The following ABCG1 variants were observed in gnomAD, a reference collection of about 807,000 sequenced individuals.
ABCG1 encodes the protein ATP binding cassette subfamily G member 1, also known as ATP-binding cassette sub-family G member 1.
In ABCG1, 29 loss-of-function variants were observed where a neutral mutation model predicts 69.2. The ratio of observed to expected loss-of-function variants is 0.42; its 90% CI spans 0.31 to 0.57. ABCG1 has a LOEUF of 0.57. ABCG1 is among the 20% of genes least tolerant of loss of function. ABCG1 has a pLI of 0.15. For synonymous variants in ABCG1, 370 were observed against 374.8 expected, an observed-to-expected ratio of 0.99 and a Z score of 0.15; for missense variants, 718 against 898.1, an observed-to-expected ratio of 0.80 and a Z score of 2.56.
chr21:42,242,791 G>A (rs1453426150), intron 2 of ABCG1, among the ~76,000 whole-genome samples: 1 of 152,130 alleles, frequency 6.6e-6, no homozygotes, highest in East Asian at 1.9e-4. Flanking sequence ...TGGTTTTTGT[G>A]ACTTCAGAGG....
At chr21:42,289,313 T>C (rs192685154) in intron 10 of ABCG1, among the ~76,000 whole-genome samples, 1 of 152,274 alleles carries the variant, frequency 6.6e-6, no homozygotes, top group Admixed American at 6.5e-5. Context: ...TTCTTCACCA[T>C]GTCAAAGGAA....
At chr21:42,225,574 A>C in intron 1 of ABCG1, 97 bp from the exon 2 acceptor site, 4 of 1,468,486 alleles carry the variant, frequency 2.7e-6, no homozygotes, top group Non-Finnish European at 3.7e-6. Flanking sequence ...TGTTGCTATT[A>C]ATAACCAATG....
chr21:42,219,693 G>A lies in ABCG1; in HGVS notation c.42+389G>A, dbSNP rs1378466350. On this transcript the variant is annotated intron_variant, in intron 1 of 14. Coordinates refer to ENST00000398449, the MANE Select transcript of ABCG1 (RefSeq NM_016818.3). This position sits in a 1 kb window ranked among gnomAD's most constrained non-coding sequence, Gnocchi z 5.3. ...CGCAGCTTGGGCCGGAGGGAAGAGGGGACTTGAAGAAGGGGAGCCCCGCGC... is the reference window on the plus strand; with the variant it reads ...CGCAGCTTGGGCCGGAGGGAAGAGGAGACTTGAAGAAGGGGAGCCCCGCGC... 5 of 808,760 alleles carry A rather than the reference G, an allele frequency of 6.2e-6. No homozygotes were observed. The highest frequency in any genetic ancestry group is 9.2e-6 in the Non-Finnish European group (5 of 543,458). The allele number at this position is 808,760 out of a possible 1,614,324, so 50.1% of individuals were successfully genotyped here. A position where few individuals can be genotyped will look rare whatever the true frequency, so the allele number is the denominator to read the frequency against.
At chr21:42,281,719 C>T (rs548195283) in intron 5 of ABCG1, among the ~76,000 whole-genome samples, 3 of 152,158 alleles carry the variant, frequency 2.0e-5, no homozygotes, top group Non-Finnish European at 4.4e-5. Context: ...GTGTTCCTGC[C>T]CTTAATGCCT....
rs2146344501 is a variant in ABCG1, at chr21:42,291,385, T to C, written c.1495-113T>C. 6.9e-7 allele frequency: 1 copy of C among 1,453,860 alleles called. No individual in the cohort carries two copies. Among genetic ancestry groups the C allele is most frequent in the Non-Finnish European group, 9.4e-7 (1 of 1,067,894 alleles). 90.1% of individuals were successfully genotyped at this position (1,453,860 alleles called of 1,614,324 possible). ...TGTGGGGAGTGGGGAAGGACCCGAC[T>C]TTGGGAGCTCTGGCGGGAGCTGCGG... On this transcript the variant is annotated intron_variant, in intron 12 of 14. Transcript: ENST00000398449. The surrounding 1 kb of genome is among the most constrained non-coding windows in gnomAD (Gnocchi z 6.4).
At chr21:42,283,367 C>G (rs2068848954) in intron 6 of ABCG1, among the ~76,000 whole-genome samples, 1 of 152,214 alleles carries the variant, frequency 6.6e-6, no homozygotes, top group Non-Finnish European at 1.5e-5. Flanking sequence ...CTCCGGGGGA[C>G]TGCCCAACAC....
At chr21:42,272,138 A>G (rs543407910) in intron 3 of ABCG1, among the ~76,000 whole-genome samples, 1 of 152,368 alleles carries the variant, frequency 6.6e-6, no homozygotes, top group Non-Finnish European at 1.5e-5. Context: ...GAGCTTCTGA[A>G]TTACACCTTA....
chr21:42,288,372 C>A lies in ABCG1; in HGVS notation c.1224+60C>A. On this transcript the variant is annotated intron_variant, in intron 10 of 14. Transcript: ENST00000398449. The surrounding 1 kb of genome is among the most constrained non-coding windows in gnomAD (Gnocchi z 4.8). ...AACCCGTGGGTCATTTTCTCAGACT[C>A]GTCCTGACGGAATGTGTTCGTTCAT... 7.9e-7 allele frequency: 1 copy of A among 1,258,226 alleles called. No homozygotes were observed. Among genetic ancestry groups the A allele is most frequent in the Non-Finnish European group, 1.2e-6 (1 of 866,334 alleles). The allele number at this position is 1,258,226 out of a possible 1,614,324, so 77.9% of individuals were successfully genotyped here.
chr21:42,232,276 G>T (rs1165347193), intron 2 of ABCG1, among the ~76,000 whole-genome samples: 2 of 152,224 alleles, frequency 1.3e-5, no homozygotes, highest in African/African-American at 2.4e-5. Flanking sequence ...TATCCAAGGG[G>T]TCTAGATGCT....
chr21:42,259,402 T>C (rs963372904), intron 2 of ABCG1: 15 of 1,550,072 alleles, frequency 9.7e-6, no homozygotes, highest in African/African-American at 1.4e-5. Flanking sequence ...TCCTGCAAAA[T>C]CGAAAATGTC....
intron 2 of ABCG1, among the ~76,000 whole-genome samples, chr21:42,211,050 C>T (rs1465507304): frequency 1.3e-5 from 2 of 151,478 alleles, no homozygotes; most frequent in Non-Finnish European, 2.9e-5. Flanking sequence ...ACCTCCTCCT[C>T]CCAGGTTCAT....
At position 42,236,426 on chromosome 21, in the gene ABCG1, G is replaced by A. The variant is rs752346812; in HGVS notation, c.286+10512G>A. 1.5e-4 allele frequency among the ~76,000 whole-genome samples: 23 copies of A among 152,356 alleles called. No homozygotes were observed. The Middle Eastern group carries it at 0.02, about 135-fold the overall frequency. ...GGCCTGGGGCCACCTCAGTGGAGTCGGAGGTGCCACGCTTTGCTGTCTCTG... is the reference window on the plus strand; with the variant it reads ...GGCCTGGGGCCACCTCAGTGGAGTCAGAGGTGCCACGCTTTGCTGTCTCTG... On this transcript the variant is annotated intron_variant, in intron 2 of 14. Coordinates refer to ENST00000398449, the MANE Select transcript of ABCG1 (RefSeq NM_016818.3).
In ABCG1 at chr21:42,287,767, C is replaced by T. The variant is rs975228619; in HGVS notation, c.974-122C>T. 1.4e-5 allele frequency: 14 copies of T among 1,030,708 alleles called. No individual in the cohort carries two copies. The African/African-American group carries it at 1.6e-4, about 12-fold the overall frequency. The allele number at this position is 1,030,708 out of a possible 1,614,324, so 63.8% of individuals were successfully genotyped here. A position where few individuals can be genotyped will look rare whatever the true frequency, so the allele number is the denominator to read the frequency against. On this transcript the variant is annotated intron_variant, in intron 8 of 14. Transcript: ENST00000398449. The surrounding 1 kb of genome is among the most constrained non-coding windows in gnomAD (Gnocchi z 6.2). ...TGATTTTGACGTCATGCCATTAGCA[C>T]CGCCACGCAGCATCTATGTAATCGC...
chr21:42,283,210 TG>T (rs2068845685), intron 6 of ABCG1, among the ~76,000 whole-genome samples: 1 of 152,202 alleles, frequency 6.6e-6, no homozygotes, highest in African/African-American at 2.4e-5. Context: ...AGCAGCCTTC[TG>T]AGGGGGGGAT....
In ABCG1 at chr21:42,287,783, A is replaced by G. The variant is rs542396244; in HGVS notation, c.974-106A>G. The G allele has an allele frequency of 1.9e-5, 22 of 1,182,456 alleles. No homozygotes were observed. The Admixed American group carries it at 4.3e-4, about 23-fold the overall frequency. The allele number at this position is 1,182,456 out of a possible 1,614,324, so 73.2% of individuals were successfully genotyped here. A position where few individuals can be genotyped will look rare whatever the true frequency, so the allele number is the denominator to read the frequency against. On this transcript the variant is annotated intron_variant, in intron 8 of 14. Coordinates refer to ENST00000398449, the MANE Select transcript of ABCG1 (RefSeq NM_016818.3). This position sits in a 1 kb window ranked among gnomAD's most constrained non-coding sequence, Gnocchi z 6.2. ...CCATTAGCACCGCCACGCAGCATCT[A>G]TGTAATCGCTTTAAAACATTCCCAC... is the stretch of plus-strand genomic sequence containing the variant.
Position 42,219,387 on chromosome 21 carries a change from C to T in ABCG1, c.42+83C>T. On this transcript the variant is annotated intron_variant, in intron 1 of 14. Coordinates refer to ENST00000398449, the MANE Select transcript of ABCG1 (RefSeq NM_016818.3). This position sits in a 1 kb window ranked among gnomAD's most constrained non-coding sequence, Gnocchi z 5.3. Reference sequence around the variant, plus strand: ...AACACACAAAGACTCGCAAGCTCGACCTGACACCCCTCCCAGGAGCGCGTC... The same window carrying T: ...AACACACAAAGACTCGCAAGCTCGATCTGACACCCCTCCCAGGAGCGCGTC... 6.5e-7 allele frequency: 1 copy of T among 1,533,238 alleles called. No homozygotes were observed. Among genetic ancestry groups the T allele is most frequent in the East Asian group, 2.5e-5 (1 of 39,468 alleles). The allele number at this position is 1,533,238 out of a possible 1,614,324, so 95.0% of individuals were successfully genotyped here.
intron 5 of ABCG1, among the ~76,000 whole-genome samples, chr21:42,280,467 C>T (rs1019953126): frequency 1.3e-5 from 2 of 152,240 alleles, no homozygotes; most frequent in South Asian, 2.1e-4. Flanking sequence ...CTGGAGCGCC[C>T]GCCGGGAAGC....
Position 42,296,088 on chromosome 21 carries a change from G to A in ABCG1, c.1773-76G>A. 1 of 1,284,082 alleles carries A rather than the reference G, an allele frequency of 7.8e-7. No homozygotes were observed. Among genetic ancestry groups the A allele is most frequent in the Non-Finnish European group, 1.1e-6 (1 of 884,502 alleles). The allele number at this position is 1,284,082 out of a possible 1,614,324, so 79.5% of individuals were successfully genotyped here. A position where few individuals can be genotyped will look rare whatever the true frequency, so the allele number is the denominator to read the frequency against. ...CCAAGCTGGGAATCGCAGGGAGGGT[G>A]AACGACATTGACCTTCAGCCAACGG... On this transcript the variant is annotated intron_variant, in intron 14 of 14. Transcript: ENST00000398449. The surrounding 1 kb of genome is among the most constrained non-coding windows in gnomAD (Gnocchi z 5.4).
intron 2 of ABCG1, among the ~76,000 whole-genome samples, chr21:42,232,447 C>CTTGGG (rs1358327094): frequency 6.6e-6 from 1 of 152,206 alleles, no homozygotes. Context: ...CAACATTGGC[C>CTTGGG]TTGGGGTCTG....
Sources: allele counts gnomAD v4.1 joint callset (sites outside exome capture counted in the v4.1 genomes callset), GRCh38; gene constraint gnomAD v4.1.1; non-coding constraint Gnocchi (gnomAD v3.1); transcripts MANE v1.5; gene names NCBI Gene and HGNC (gene_info 2026-07-23, HGNC 2026-07-21).